BIRC6: variants seen among roughly 807,000 people sequenced by gnomAD.
BIRC6 encodes the protein dual E2 ubiquitin-conjugating enzyme/E3 ubiquitin-protein ligase BIRC6.
In BIRC6, 98 loss-of-function variants were observed where a neutral mutation model predicts 503.3. The ratio of observed to expected loss-of-function variants is 0.19; its 90% CI spans 0.17 to 0.23. BIRC6 has a LOEUF of 0.23. Among genes scored for constraint, BIRC6 ranks in the 10% least tolerant of loss-of-function variants. BIRC6 has a pLI of 1.00. For missense variants in BIRC6, 5,360 were observed against 5,806.0 expected (o/e 0.92, Z 2.50); for synonymous variants, 2,240 against 2,078.7 (o/e 1.08, Z -2.11).
intron 8 of BIRC6, among the ~76,000 whole-genome samples, chr2:32,405,836 T>G (rs1340170182): frequency 6.6e-6 from 1 of 152,216 alleles, no homozygotes; most frequent in Non-Finnish European, 1.5e-5. Flanking sequence ...TGCAAGCTGG[T>G]GCTTGATTTT....
chr2:32,382,533 T>C (rs1438300043), intron 3 of BIRC6, among the ~76,000 whole-genome samples: 1 of 152,036 alleles, frequency 6.6e-6, no homozygotes, highest in African/African-American at 2.4e-5. Flanking sequence ...AGGAAACTGG[T>C]TGAAAAGAGG....
chr2:32,594,047 G>A lies in BIRC6; in HGVS notation c.13488G>A (p.Arg4496=). 2.5e-6 allele frequency: 4 copies of A among 1,610,048 alleles called. No individual in the cohort carries two copies. The highest frequency in any genetic ancestry group is 3.4e-6 in the Non-Finnish European group (4 of 1,178,288). ...TTTATGCAGCCACCACCAGTTTGCG[G>A]CAAGCAAATCAGGGTACAAAACTTT... ...EIVYAATTSL[R]QANQEKKLGE... is the part of the protein sequence containing the mutation. The change falls in exon 67 of 74, where the codon CGG becomes CGA. Residue 4496 remains arginine (R), a synonymous_variant. Transcript: ENST00000421745.
chr2:32,610,262 C>A (rs1171729311), intron 72 of BIRC6, among the ~76,000 whole-genome samples: 1 of 152,134 alleles, frequency 6.6e-6, no homozygotes, highest in Non-Finnish European at 1.5e-5. Context: ...AACCAGAATA[C>A]AGAGCAATGT....
In BIRC6 at chr2:32,543,959, C is replaced by T. The variant is rs779837094; in HGVS notation, c.12592+418C>T. Among the ~76,000 whole-genome samples the T allele has an allele frequency of 5.1e-4, 78 of 152,262 alleles. 1 individual carries two copies. Among genetic ancestry groups the T allele is most frequent in the East Asian group, 1.2e-3 (6 of 5,176 alleles). On this transcript the variant is annotated intron_variant, in intron 62 of 73. Coordinates refer to ENST00000421745, the MANE Select transcript of BIRC6 (RefSeq NM_016252.4). ...CATGTGAGATTATTTCTTTACTACT[C>T]AGCAATGTGAATGAAGTGGCATGGT...
At position 32,597,844 on chromosome 2, in the gene BIRC6, C is replaced by T. The variant is rs768126935; in HGVS notation, c.13706C>T (p.Ala4569Val). The T allele has an allele frequency of 1.4e-5, 23 of 1,613,436 alleles. No individual in the cohort carries two copies. The highest frequency in any genetic ancestry group is 5.3e-5 in the African/African-American group (4 of 74,876). The change falls in exon 69 of 74, where the codon GCG (alanine) becomes GTG (valine). Residue 4569 changes from alanine to valine, a missense_variant. Coordinates refer to ENST00000421745, the MANE Select transcript of BIRC6 (RefSeq NM_016252.4). ...YMSQVKNAND[A>V]NSAARARRLA... ...TCTCAGGTGAAAAATGCTAATGATG[C>T]GAACAGTGCTGCCAGAGCTCGCCGC...
intron 19 of BIRC6, among the ~76,000 whole-genome samples, chr2:32,442,985 C>T (rs754219377): frequency 6.6e-6 from 1 of 152,082 alleles, no homozygotes; most frequent in Non-Finnish European, 1.5e-5. Context: ...CCTATATATA[C>T]ATACCTGCAA....
At chr2:32,481,012 A>G (rs1287481393) in intron 37 of BIRC6, among the ~76,000 whole-genome samples, 1 of 152,158 alleles carries the variant, frequency 6.6e-6, no homozygotes, top group African/African-American at 2.4e-5. Context: ...ACCTGTAATA[A>G]TGAATTACAT....
In BIRC6 at chr2:32,415,467, G is replaced by T. The variant is rs776638353; in HGVS notation, c.2176G>T (p.Ala726Ser). ...TCAGTGCTTGAGGCTGCCAAAGTTT[G>T]CAGAGGAGGAGAATCTTTGTATAGA... is the stretch of plus-strand genomic sequence containing the variant. Reference protein sequence around the residue: ...LVQCLRLPKFAEEENLCIDSI... With the variant: ...LVQCLRLPKFSEEENLCIDSI... The change falls in exon 10 of 74, where the codon GCA becomes TCA. Residue 726 changes from alanine to serine, a missense_variant. By Grantham distance (99) the Ala-to-Ser change is moderately conservative. This residue lies in a region of BIRC6 where 700 missense variants were observed against 739.3 expected (regional missense o/e 0.95). Transcript: ENST00000421745. 6.2e-7 allele frequency: 1 copy of T among 1,613,992 alleles called. No individual in the cohort carries two copies. Among genetic ancestry groups the T allele is most frequent in the Non-Finnish European group, 8.5e-7 (1 of 1,179,900 alleles).
At chr2:32,529,613 T>C (rs748725529) in intron 59 of BIRC6, 38 bp from the exon 60 acceptor site, 19 of 1,446,866 alleles carry the variant, frequency 1.3e-5, no homozygotes, top group Non-Finnish European at 1.3e-5. Context: ...AATGTTTCTT[T>C]CTCGGTTTCC....
chr2:32,547,872 A>G lies in BIRC6; in HGVS notation c.12833A>G (p.Asn4278Ser). 1 of 1,599,964 alleles carries G rather than the reference A, an allele frequency of 6.3e-7. No individual in the cohort carries two copies. Among genetic ancestry groups the G allele is most frequent in the African/African-American group, 1.3e-5 (1 of 74,102 alleles). The change falls in exon 64 of 74, where the codon AAC becomes AGC. Residue 4278 changes from asparagine (N) to serine (S), a missense_variant. Physicochemically the swap from Asn to Ser is conservative, Grantham distance 46 (BLOSUM62 1). Coordinates refer to ENST00000421745, the MANE Select transcript of BIRC6 (RefSeq NM_016252.4). ...QTEPQVSSSH[N>S]PTSTEEQQLY... ...AAGCCACAGGTGTCAAGCTCTCATA[A>G]CCCTACATCAACAGAAGAACAACAG...
chr2:32,358,366 G>A (rs1036941798), intron 1 of BIRC6, among the ~76,000 whole-genome samples: 1 of 152,194 alleles, frequency 6.6e-6, no homozygotes, highest in African/African-American at 2.4e-5. Context: ...GTCCAGGGAC[G>A]GGACTTTCAG....
intron 35 of BIRC6, among the ~76,000 whole-genome samples, chr2:32,478,195 G>T (rs1417140752): frequency 6.6e-6 from 1 of 151,938 alleles, no homozygotes; most frequent in Non-Finnish European, 1.5e-5. Context: ...AAATTAGCTG[G>T]GTGTGGTGGC....
At position 32,473,252 on chromosome 2, in the gene BIRC6, A is replaced by G. The variant is rs755982448; in HGVS notation, c.6720+13A>G. 204 of 1,510,982 alleles carry G rather than the reference A, an allele frequency of 1.4e-4. No homozygotes were observed. Among genetic ancestry groups the G allele is most frequent in the Middle Eastern group, 3.5e-4 (2 of 5,710 alleles). The allele number at this position is 1,510,982 out of a possible 1,614,324, so 93.6% of individuals were successfully genotyped here. On this transcript the variant is annotated intron_variant, in intron 33 of 73. Transcript: ENST00000421745. ...TCATCATAAACAGGTAATTGTCAATATATTTAAAAATTTTTAATGTTTGAG... is the reference window on the plus strand; with the variant it reads ...TCATCATAAACAGGTAATTGTCAATGTATTTAAAAATTTTTAATGTTTGAG...
chr2:32,385,202 G>A (rs2149471856), intron 3 of BIRC6, among the ~76,000 whole-genome samples: 1 of 152,316 alleles, frequency 6.6e-6, no homozygotes, highest in Admixed American at 6.5e-5. Context: ...AGAACCATCT[G>A]TAAATCAGGG....
intron 19 of BIRC6, 121 bp from the exon 20 acceptor site, chr2:32,443,370 G>A: frequency 1.6e-6 from 1 of 628,270 alleles, no homozygotes; most frequent in East Asian, 2.9e-5. Flanking sequence ...CTTTAAGGCA[G>A]GTTTTTCTTT....
chr2:32,596,365 A>C (rs939829601), intron 68 of BIRC6, among the ~76,000 whole-genome samples: 6 of 151,452 alleles, frequency 4.0e-5, no homozygotes, highest in Non-Finnish European at 8.8e-5. Context: ...CTGTAACCCC[A>C]GCTACTCAGG....
chr2:32,553,229 A>AAG (rs2058555006), intron 65 of BIRC6, among the ~76,000 whole-genome samples: 1 of 139,042 alleles, frequency 7.2e-6, no homozygotes, highest in Non-Finnish European at 1.5e-5. Flanking sequence ...AAAAAAAAAA[A>AAG]AAAAAGATAA....
chr2:32,387,833 G>GAT (rs1446836704), intron 3 of BIRC6, among the ~76,000 whole-genome samples: 2 of 152,074 alleles, frequency 1.3e-5, no homozygotes, highest in Non-Finnish European at 2.9e-5. Context: ...AATTTTTGGT[G>GAT]ATATATATAA....
intron 45 of BIRC6, among the ~76,000 whole-genome samples, chr2:32,496,724 A>C (rs2052519918): frequency 6.6e-6 from 1 of 151,734 alleles, no homozygotes; most frequent in African/African-American, 2.4e-5. Context: ...CAGCTTATTG[A>C]TTTTCCAGAA....
Sources: allele counts gnomAD v4.1 joint callset (sites outside exome capture counted in the v4.1 genomes callset), GRCh38; gene constraint gnomAD v4.1.1; regional missense constraint gnomAD v4.1.1; transcripts MANE v1.5; gene names NCBI Gene and HGNC (gene_info 2026-07-23, HGNC 2026-07-21).